The following MAF variants were observed in gnomAD, a reference collection of about 807,000 sequenced individuals.
MAF encodes transcription factor Maf.
In MAF, 10 loss-of-function variants were observed where a neutral mutation model predicts 22.0. The ratio of observed to expected loss-of-function variants is 0.45; its 90% CI spans 0.28 to 0.77. The LOEUF (loss-of-function observed/expected upper bound fraction) is 0.77, where lower values mean the gene tolerates loss of function less well. Among genes scored for constraint, MAF ranks in the 30% least tolerant of loss-of-function variants. The pLI, the probability that MAF is intolerant of heterozygous loss-of-function variation, is 0.12. For synonymous variants in MAF, 337 were observed against 255.8 expected, an observed-to-expected ratio of 1.32 and a Z score of -3.03; for missense variants, 544 against 548.4, an observed-to-expected ratio of 0.99 and a Z score of 0.08.
the MAF span, among the ~76,000 whole-genome samples, chr16:79,529,039 T>C: frequency 6.6e-6 from 1 of 152,210 alleles, no homozygotes; most frequent in African/African-American, 2.4e-5. Context: ...TCTACTTTTG[T>C]TCTTATCTGT....
At chr16:79,553,855 G>A in the MAF span, among the ~76,000 whole-genome samples, 4 of 152,130 alleles carry the variant, frequency 2.6e-5, no homozygotes, top group Non-Finnish European at 4.4e-5. Context: ...TTGGGAGGCC[G>A]AGGCGGGTGG....
At chr16:79,338,688 G>A in the MAF span, among the ~76,000 whole-genome samples, 1 of 152,184 alleles carries the variant, frequency 6.6e-6, no homozygotes, top group Non-Finnish European at 1.5e-5. Context: ...GGAGAAAAGA[G>A]GGAGAGAGGG....
the MAF span, among the ~76,000 whole-genome samples, chr16:79,545,469 T>C: frequency 1.3e-4 from 20 of 151,794 alleles, no homozygotes; most frequent in African/African-American, 2.2e-4. Context: ...ACTGCACACA[T>C]TGCATGCCTA....
the MAF span, among the ~76,000 whole-genome samples, chr16:79,520,002 G>T: frequency 2.0e-5 from 3 of 152,234 alleles, no homozygotes; most frequent in Non-Finnish European, 4.4e-5. Context: ...GGCAGGAGGG[G>T]ATGCTGGAAC....
the MAF span, among the ~76,000 whole-genome samples, chr16:79,511,198 T>G: frequency 5.3e-5 from 8 of 152,142 alleles, no homozygotes; most frequent in African/African-American, 1.4e-4. Flanking sequence ...CCTTCTCCCT[T>G]ATTATTTTTA....
intron 1 of MAF, 176 bp downstream of exon 1, chr16:79,598,609 T>TGG (rs775806699): frequency 1.0e-5 from 15 of 1,433,116 alleles, no homozygotes; most frequent in Non-Finnish European, 1.4e-5. Context: ...TGTGTGTGTG[T>TGG]GGTGTGTGCG....
At chr16:79,351,892 C>A in the MAF span, among the ~76,000 whole-genome samples, 3 of 152,120 alleles carry the variant, frequency 2.0e-5, no homozygotes, top group African/African-American at 7.2e-5. Context: ...CACTTTGTTA[C>A]CCCTGGAAAA....
the MAF span, among the ~76,000 whole-genome samples, chr16:79,335,745 A>G: frequency 6.6e-6 from 1 of 152,330 alleles, no homozygotes; most frequent in South Asian, 2.1e-4. Flanking sequence ...CAGGAAGCGG[A>G]CACCCACAAA....
At chr16:79,555,515 C>T in the MAF span, among the ~76,000 whole-genome samples, 3 of 151,834 alleles carry the variant, frequency 2.0e-5, no homozygotes, top group African/African-American at 7.2e-5. Context: ...CTTTAAGCTA[C>T]CAATGTAAAA....
chr16:79,304,164 G>C, the MAF span, among the ~76,000 whole-genome samples: 11 of 152,216 alleles, frequency 7.2e-5, no homozygotes, highest in Admixed American at 7.2e-4. Flanking sequence ...TGTGACTGGA[G>C]TCCAGCCCAC....
the MAF span, among the ~76,000 whole-genome samples, chr16:79,411,225 G>A: frequency 5.6e-4 from 83 of 147,360 alleles, 1 homozygote; most frequent in African/African-American, 1.7e-3. Context: ...CTGGGACCTC[G>A]CCTTTCTCGT....
At chr16:79,293,203 T>C in the MAF span, among the ~76,000 whole-genome samples, 3 of 152,138 alleles carry the variant, frequency 2.0e-5, no homozygotes, top group Non-Finnish European at 4.4e-5. Flanking sequence ...GGATCAGGAT[T>C]CCTTTCTGGT....
At chr16:79,463,780 A>G in the MAF span, among the ~76,000 whole-genome samples, 1 of 151,996 alleles carries the variant, frequency 6.6e-6, no homozygotes, top group African/African-American at 2.4e-5. Flanking sequence ...AAAAACATGC[A>G]TCGACTTTTT....
chr16:79,246,265 G>A, the MAF span, among the ~76,000 whole-genome samples: 18,797 of 151,976 alleles, frequency 0.12, 1,426 homozygotes, highest in Middle Eastern at 0.2. Context: ...ACACTAAATC[G>A]TTAATGACTA....
chr16:79,532,282 A>G, the MAF span, among the ~76,000 whole-genome samples: 2 of 152,216 alleles, frequency 1.3e-5, no homozygotes, highest in Non-Finnish European at 2.9e-5. Context: ...GAGAACAAAC[A>G]GGAAGCCATT....
At chr16:79,212,343 T>C in the MAF span, 2 of 650,840 alleles carry the variant, frequency 3.1e-6, no homozygotes, top group Non-Finnish European at 5.0e-6. Flanking sequence ...CCAGTGAGGA[T>C]GACAGTGACA....
chr16:79,540,114 C>T, the MAF span, among the ~76,000 whole-genome samples: 1 of 151,882 alleles, frequency 6.6e-6, no homozygotes, highest in Non-Finnish European at 1.5e-5. Flanking sequence ...CAAAAGGATC[C>T]CCAAGAGGTC....
At chr16:79,336,348 A>G in the MAF span, among the ~76,000 whole-genome samples, 1 of 152,226 alleles carries the variant, frequency 6.6e-6, no homozygotes, top group Non-Finnish European at 1.5e-5. Flanking sequence ...AGGCACAGAA[A>G]GTTTAAGCAA....
the MAF span, among the ~76,000 whole-genome samples, chr16:79,429,848 T>A: frequency 6.6e-6 from 1 of 152,204 alleles, no homozygotes; most frequent in African/African-American, 2.4e-5. Flanking sequence ...TACTTTTCCC[T>A]CCAGCCTAAC....
Sources: gnomAD v4.1 joint callset for allele counts (sites outside exome capture counted in the v4.1 genomes callset) on GRCh38, gnomAD v4.1.1 for gene constraint, MANE v1.5 for transcripts, NCBI Gene and HGNC (gene_info 2026-07-23, HGNC 2026-07-21) for gene names.